The following PACRG variants were observed in gnomAD, a reference collection of about 807,000 sequenced individuals.
PACRG encodes parkin coregulated gene protein.
A neutral mutation model predicts 29.7 loss-of-function variants in PACRG; 29 were observed. That is an observed-to-expected ratio of 0.98 (90% CI 0.73 to 1.33). The LOEUF (loss-of-function observed/expected upper bound fraction) is 1.33, where lower values mean the gene tolerates loss of function less well. Among genes scored for constraint, PACRG ranks in the 40% most tolerant of loss-of-function variants. The pLI, the probability that PACRG is intolerant of heterozygous loss-of-function variation, is 0.00. For synonymous variants in PACRG, 116 were observed against 118.7 expected (o/e 0.98, Z 0.15); for missense variants, 279 against 316.2 (o/e 0.88, Z 0.89).
At chr6:163,083,765 C>CA (rs936576130) in intron 3 of PACRG, among the ~76,000 whole-genome samples, 2 of 152,006 alleles carry the variant, frequency 1.3e-5, no homozygotes, top group Non-Finnish European at 2.9e-5. Flanking sequence ...AAGCATATGT[C>CA]AAAAATATTT....
intron 4 of PACRG, among the ~76,000 whole-genome samples, chr6:163,192,539 T>C (rs925612756): frequency 3.3e-5 from 5 of 152,240 alleles, no homozygotes; most frequent in Non-Finnish European, 7.3e-5. Flanking sequence ...CCAGACAAAT[T>C]TGTAGTTTGT....
In PACRG at chr6:162,853,179, A is replaced by T. The variant is rs1452846839; in HGVS notation, c.291+38898A>T. Among the ~76,000 whole-genome samples, 1 of 152,334 alleles carries T rather than the reference A, an allele frequency of 6.6e-6. No homozygotes were observed. Among genetic ancestry groups the T allele is most frequent in the Non-Finnish European group, 1.5e-5 (1 of 68,030 alleles). ...GATCATCACTTTCAGAAAAGAGTAC[A>T]CTGAACGTTTAAAATCTGGAAATTG... On this transcript the variant is annotated intron_variant, in intron 2 of 4. Coordinates refer to ENST00000366888, the MANE Select transcript of PACRG (RefSeq NM_001080379.2). This position sits in a 1 kb window ranked among gnomAD's most constrained non-coding sequence, Gnocchi z 4.7.
intron 2 of PACRG, among the ~76,000 whole-genome samples, chr6:162,989,357 T>C (rs1207979867): frequency 1.3e-5 from 2 of 152,152 alleles, no homozygotes; most frequent in Non-Finnish European, 1.5e-5. Flanking sequence ...TAATGGCAGA[T>C]GGAGATAAAA....
chr6:163,278,444 T>C (rs902448493), intron 4 of PACRG, among the ~76,000 whole-genome samples: 9 of 152,232 alleles, frequency 5.9e-5, no homozygotes. Flanking sequence ...CAATGTTATC[T>C]TATAGAGTCT....
intron 3 of PACRG, among the ~76,000 whole-genome samples, chr6:163,072,336 A>G (rs1221402289): frequency 1.3e-5 from 2 of 152,154 alleles, no homozygotes; most frequent in African/African-American, 4.8e-5. Context: ...CATCATCAAC[A>G]TATGAATGAA....
intron 3 of PACRG, among the ~76,000 whole-genome samples, chr6:163,067,908 T>C (rs959924656): frequency 6.6e-6 from 1 of 152,264 alleles, no homozygotes; most frequent in Non-Finnish European, 1.5e-5. Context: ...TTTGCATACT[T>C]GATTTTTATA....
chr6:163,031,679 C>T (rs1203537982), intron 2 of PACRG, among the ~76,000 whole-genome samples: 1 of 152,174 alleles, frequency 6.6e-6, no homozygotes, highest in Non-Finnish European at 1.5e-5. Flanking sequence ...TTTGATGGAA[C>T]TCTATTCCAT....
At chr6:163,299,029 G>C (rs888617397) in intron 4 of PACRG, among the ~76,000 whole-genome samples, 1 of 152,152 alleles carries the variant, frequency 6.6e-6, no homozygotes, top group Admixed American at 6.5e-5. Context: ...CTTATTTAAT[G>C]GTTGGTTACC....
At chr6:162,891,017 T>C (rs933409292) in intron 2 of PACRG, among the ~76,000 whole-genome samples, 2 of 152,182 alleles carry the variant, frequency 1.3e-5, no homozygotes, top group Non-Finnish European at 2.9e-5. Context: ...CTTGCTAAGC[T>C]GAGTGCCTGC....
At chr6:162,951,141 A>G (rs1300041737) in intron 2 of PACRG, among the ~76,000 whole-genome samples, 1 of 152,220 alleles carries the variant, frequency 6.6e-6, no homozygotes, top group African/African-American at 2.4e-5. Flanking sequence ...GAGGAAAGCA[A>G]CTTTGTTCCA....
At chr6:163,053,683 T>A (rs949954305) in intron 2 of PACRG, among the ~76,000 whole-genome samples, 1 of 152,146 alleles carries the variant, frequency 6.6e-6, no homozygotes, top group Non-Finnish European at 1.5e-5. Context: ...AAATAGTATT[T>A]TATTTACAGA....
intron 4 of PACRG, among the ~76,000 whole-genome samples, chr6:163,136,740 A>G (rs888484963): frequency 2.0e-5 from 3 of 152,234 alleles, no homozygotes; most frequent in Admixed American, 6.5e-5. Context: ...GGATTACTGA[A>G]TGAACTAATG....
intron 2 of PACRG, among the ~76,000 whole-genome samples, chr6:162,935,052 T>C (rs1013301392): frequency 1.3e-5 from 2 of 152,228 alleles, no homozygotes; most frequent in Non-Finnish European, 2.9e-5. Flanking sequence ...AGAAATCTGC[T>C]ATTAGTCTGA....
At chr6:162,947,349 A>ATATGATATATATAT (rs1491156729) in intron 2 of PACRG, among the ~76,000 whole-genome samples, 1 of 41,774 alleles carries the variant, frequency 2.4e-5, no homozygotes, top group African/African-American at 1.1e-4. Context: ...TATAATGATT[A>ATATGATATATATAT]CATATATATA....
rs370097440 is a variant in PACRG at position 163,132,851 on chromosome 6, G to A, written c.613+43443G>A. 2.3e-4 allele frequency among the ~76,000 whole-genome samples: 35 copies of A among 152,260 alleles called. No homozygotes were observed. The South Asian group carries it at 2.7e-3, about 12-fold the overall frequency. On this transcript the variant is annotated intron_variant, in intron 4 of 4. Coordinates refer to ENST00000366888, the MANE Select transcript of PACRG (RefSeq NM_001080379.2). Reference sequence around the variant, plus strand: ...AATGGACTTCAAATAACATCAATTGGATGTGCACTAGAAAAATATAATTTT... The same window carrying A: ...AATGGACTTCAAATAACATCAATTGAATGTGCACTAGAAAAATATAATTTT...
At chr6:162,740,019 T>G (rs1046593514) in intron 1 of PACRG, among the ~76,000 whole-genome samples, 1 of 152,146 alleles carries the variant, frequency 6.6e-6, no homozygotes, top group Non-Finnish European at 1.5e-5. Context: ...CTTTTCCATA[T>G]GGAGAGCCAC....
intron 4 of PACRG, among the ~76,000 whole-genome samples, chr6:163,269,795 AGG>A (rs1783671968): frequency 9.3e-6 from 1 of 107,912 alleles, no homozygotes; most frequent in African/African-American, 3.9e-5. Flanking sequence ...AAAGAAAGAA[AGG>A]AAGGAAGGAA....
intron 4 of PACRG, among the ~76,000 whole-genome samples, chr6:163,178,047 G>T (rs929714540): frequency 2.0e-5 from 3 of 152,172 alleles, no homozygotes; most frequent in African/African-American, 7.2e-5. Flanking sequence ...CCACTACCAA[G>T]CTTCCAGAAC....
At chr6:162,858,705 C>G (rs1791605188) in intron 2 of PACRG, among the ~76,000 whole-genome samples, 1 of 152,106 alleles carries the variant, frequency 6.6e-6, no homozygotes, top group Non-Finnish European at 1.5e-5. Context: ...ATGGCATGCT[C>G]CAATCGGTAC....
Sources: allele counts gnomAD v4.1 joint callset (sites outside exome capture counted in the v4.1 genomes callset), GRCh38; gene constraint gnomAD v4.1.1; non-coding constraint Gnocchi (gnomAD v3.1); transcripts MANE v1.5; gene names NCBI Gene and HGNC (gene_info 2026-07-23, HGNC 2026-07-21).